Variants in RBFOX1 observed in about 807,000 individuals in gnomAD.
RBFOX1 encodes the protein RNA binding fox-1 homolog 1.
A neutral mutation model predicts 57.7 loss-of-function variants in RBFOX1; 8 were observed. The observed-to-expected ratio is 0.14, with a 90% CI of 0.08 to 0.25. The LOEUF is 0.25. Among genes scored for constraint, RBFOX1 ranks in the 10% least tolerant of loss-of-function variants. RBFOX1 has a pLI of 1.00. For synonymous variants in RBFOX1, 326 were observed against 222.4 expected, an observed-to-expected ratio of 1.47 and a Z score of -4.15; for missense variants, 611 against 548.5, an observed-to-expected ratio of 1.11 and a Z score of -1.14.
intron 1 of RBFOX1, among the ~76,000 whole-genome samples, chr16:6,240,749 C>T (rs1424579214): frequency 6.6e-6 from 1 of 152,104 alleles, no homozygotes; most frequent in Non-Finnish European, 1.5e-5. Flanking sequence ...GTCTTGGCTA[C>T]TTACAACTCA....
intron 1 of RBFOX1, among the ~76,000 whole-genome samples, chr16:5,410,000 A>T (rs958330392): frequency 6.6e-6 from 1 of 151,356 alleles, no homozygotes; most frequent in Non-Finnish European, 1.5e-5. Flanking sequence ...GTGAGCTGAG[A>T]TCACGCCAGT....
downstream of RBFOX1, among the ~76,000 whole-genome samples, chr16:5,600,800 T>C (rs920026762): frequency 3.1e-4 from 47 of 152,228 alleles, no homozygotes; most frequent in African/African-American, 1.1e-3. Context: ...TGATGAAAAA[T>C]GACAACCACA....
At chr16:6,210,051 C>G (rs905118467) in intron 1 of RBFOX1, among the ~76,000 whole-genome samples, 1 of 151,888 alleles carries the variant, frequency 6.6e-6, no homozygotes, top group Non-Finnish European at 1.5e-5. Context: ...GGCATGATGG[C>G]TCATGCCTGT....
chr16:6,892,264 A>G (rs1199200618), intron 3 of RBFOX1, among the ~76,000 whole-genome samples: 1 of 152,310 alleles, frequency 6.6e-6, no homozygotes, highest in African/African-American at 2.4e-5. Flanking sequence ...AACACTTTGT[A>G]ACGAATGTAT....
chr16:6,154,557 A>T (rs1466106583), intron 1 of RBFOX1, among the ~76,000 whole-genome samples: 1 of 152,174 alleles, frequency 6.6e-6, no homozygotes, highest in African/African-American at 2.4e-5. Context: ...GGTGATGAGG[A>T]TGACAAGATG....
chr16:6,724,691 T>A (rs1441081405), intron 3 of RBFOX1, among the ~76,000 whole-genome samples: 4 of 152,210 alleles, frequency 2.6e-5, no homozygotes, highest in African/African-American at 9.6e-5. Context: ...AGTCAACATT[T>A]AAGAGTTCAG....
intron 3 of RBFOX1, among the ~76,000 whole-genome samples, chr16:5,611,698 C>G (rs1230891285): frequency 6.6e-6 from 1 of 151,676 alleles, no homozygotes; most frequent in African/African-American, 2.4e-5. Flanking sequence ...ACTCCCCCAC[C>G]CACTCTCCCA....
chr16:6,412,036 G>T lies in RBFOX1; in HGVS notation c.-64+94979G>T, dbSNP rs1337942019. ...AATCCCAGCCACTCAGGAGGCTGAG[G>T]CAGGAAAATTGCTTGAAACCCGGGA... On this transcript the variant is annotated intron_variant, in intron 2 of 15. Transcript: ENST00000550418. Among the ~76,000 whole-genome samples the T allele has an allele frequency of 2.0e-5, 3 of 151,924 alleles. No individual in the cohort carries two copies. The East Asian group carries it at 5.8e-4, about 29-fold the overall frequency.
At chr16:5,801,052 T>C (rs770798269) in intron 3 of RBFOX1, among the ~76,000 whole-genome samples, 21 of 152,088 alleles carry the variant, frequency 1.4e-4, no homozygotes, top group Non-Finnish European at 2.8e-4. Flanking sequence ...ATTGCCACTT[T>C]TGATGAAGAC....
At chr16:5,379,576 A>C (rs476605) in intron 1 of RBFOX1, among the ~76,000 whole-genome samples, 79,427 of 152,000 alleles carry the variant, frequency 0.52, 23,605 homozygotes, top group African/African-American at 0.82. Context: ...AGAGCCCTTC[A>C]CTGGGCTCTG....
rs190518977 is a variant in RBFOX1 at position 5,571,931 on chromosome 16, G to A, written c.259-26971G>A. Among the ~76,000 whole-genome samples, 25 of 152,276 alleles carry A rather than the reference G, an allele frequency of 1.6e-4. No individual in the cohort carries two copies. In the East Asian group the frequency reaches 3.7e-3, roughly 22 times the overall value. On this transcript the variant is annotated intron_variant, in intron 2 of 2. Transcript: ENST00000585867. ...GTTAGAGGCGTGAGCCACTGTGCCC[G>A]GCCCATCTTTGTCTTTCATAATTAA...
At chr16:7,025,598 C>G (rs1390112457) in intron 3 of RBFOX1, among the ~76,000 whole-genome samples, 10 of 152,192 alleles carry the variant, frequency 6.6e-5, no homozygotes, top group African/African-American at 2.2e-4. Context: ...GCTTCTCAGC[C>G]TCAGAGCTAA....
intron 3 of RBFOX1, among the ~76,000 whole-genome samples, chr16:6,922,694 A>C (rs956131841): frequency 5.3e-5 from 8 of 152,146 alleles, no homozygotes; most frequent in South Asian, 4.1e-4. Context: ...TTTGGGCCTC[A>C]CTGCATCCAC....
At chr16:6,757,395 A>C (rs549894536) in intron 3 of RBFOX1, among the ~76,000 whole-genome samples, 1 of 152,212 alleles carries the variant, frequency 6.6e-6, no homozygotes, top group Non-Finnish European at 1.5e-5. Context: ...AAATCAACCT[A>C]AGTATCCATT....
At chr16:7,456,545 A>G (rs2058549404) in intron 4 of RBFOX1, among the ~76,000 whole-genome samples, 1 of 152,196 alleles carries the variant, frequency 6.6e-6, no homozygotes, top group Non-Finnish European at 1.5e-5. Flanking sequence ...GCGTAACAAA[A>G]TCTTCGTGTA....
At chr16:5,467,108 A>C (rs2151610277) in intron 1 of RBFOX1, 1 of 1,260,666 alleles carries the variant, frequency 7.9e-7, no homozygotes, top group African/African-American at 1.5e-5. Flanking sequence ...TGAATAAAAC[A>C]TTCTTTTTTA....
chr16:6,958,045 C>A (rs559398084), intron 3 of RBFOX1, among the ~76,000 whole-genome samples: 1 of 152,078 alleles, frequency 6.6e-6, no homozygotes, highest in African/African-American at 2.4e-5. Context: ...CATGGTTCAT[C>A]GAGGGGCCAT....
At chr16:5,905,599 G>A (rs1329115914) in intron 4 of RBFOX1, among the ~76,000 whole-genome samples, 1 of 152,118 alleles carries the variant, frequency 6.6e-6, no homozygotes, top group Non-Finnish European at 1.5e-5. Context: ...TGCCGTCATG[G>A]CTGTTCAGGA....
At chr16:7,304,570 C>A in intron 4 of RBFOX1, 14 of 985,220 alleles carry the variant, frequency 1.4e-5, no homozygotes, top group Non-Finnish European at 1.7e-5. Flanking sequence ...CGCTTCGGTG[C>A]CTTATGTAGG....
Sources: allele counts gnomAD v4.1 joint callset (sites outside exome capture counted in the v4.1 genomes callset), GRCh38; gene constraint gnomAD v4.1.1; transcripts MANE v1.5; gene names NCBI Gene and HGNC (gene_info 2026-07-23, HGNC 2026-07-21).